CCDC91: variants seen among roughly 807,000 people sequenced by gnomAD.
The protein encoded by CCDC91 is coiled-coil domain containing 91, also known as coiled-coil domain-containing protein 91.
Under a neutral mutation model 63.2 loss-of-function variants are expected in CCDC91, and 48 were observed. The ratio of observed to expected loss-of-function variants is 0.76; its 90% CI spans 0.60 to 0.97. The LOEUF is 0.97. Among genes scored for constraint, CCDC91 ranks in the 50% least tolerant of loss-of-function variants. The pLI, the probability that CCDC91 is intolerant of heterozygous loss-of-function variation, is 0.00. For missense variants in CCDC91, 500 were observed against 494.6 expected (o/e 1.01, Z -0.10); for synonymous variants, 167 against 165.8 (o/e 1.01, Z -0.06).
intron 3 of CCDC91, among the ~76,000 whole-genome samples, chr12:28,270,979 T>G (rs1947729951): frequency 6.6e-6 from 1 of 152,120 alleles, no homozygotes; most frequent in Non-Finnish European, 1.5e-5. Context: ...TACACCGAAA[T>G]TAAATAATTA....
intron 7 of CCDC91, among the ~76,000 whole-genome samples, chr12:28,373,695 G>A (rs1225203486): frequency 6.6e-6 from 1 of 152,006 alleles, no homozygotes; most frequent in East Asian, 1.9e-4. Flanking sequence ...TGCTTTGCCA[G>A]TTTACCTTGT....
chr12:28,511,467 T>C (rs543288325), intron 12 of CCDC91, among the ~76,000 whole-genome samples: 25 of 151,986 alleles, frequency 1.6e-4, no homozygotes, highest in African/African-American at 5.8e-4. Flanking sequence ...CTAGCACTTA[T>C]CAGTAACTGT....
chr12:28,494,605 A>G (rs1202683667), intron 12 of CCDC91, among the ~76,000 whole-genome samples: 2 of 151,748 alleles, frequency 1.3e-5, no homozygotes. Context: ...ATATGTCATC[A>G]ATGTAGTTGT....
intron 3 of CCDC91, among the ~76,000 whole-genome samples, chr12:28,268,082 G>T (rs1358744809): frequency 1.4e-5 from 2 of 145,540 alleles, no homozygotes; most frequent in Admixed American, 1.4e-4. Context: ...ATAACTTTTT[G>T]AGACAGAGTC....
At chr12:28,425,319 G>T (rs1948247629) in intron 8 of CCDC91, among the ~76,000 whole-genome samples, 1 of 152,056 alleles carries the variant, frequency 6.6e-6, no homozygotes, top group Non-Finnish European at 1.5e-5. Context: ...CTCCTTATTG[G>T]AAGAAGGAGG....
chr12:28,305,870 G>T (rs1414686009), intron 4 of CCDC91, 64 bp downstream of exon 4: 2 of 1,368,664 alleles, frequency 1.5e-6, no homozygotes, highest in East Asian at 2.4e-5. Flanking sequence ...TAATTTAATT[G>T]TTGCTTTTTT....
At chr12:28,489,631 C>T (rs1331730177) in intron 12 of CCDC91, among the ~76,000 whole-genome samples, 4 of 151,824 alleles carry the variant, frequency 2.6e-5, no homozygotes, top group African/African-American at 9.7e-5. Flanking sequence ...TAAATCACCT[C>T]CAGGAAAATA....
chr12:28,252,498 T>C (rs1946190159), intron 1 of CCDC91, among the ~76,000 whole-genome samples: 1 of 151,978 alleles, frequency 6.6e-6, no homozygotes, highest in Non-Finnish European at 1.5e-5. Flanking sequence ...AAAATTTCCT[T>C]AATTTTATTT....
chr12:28,235,265 T>C (rs36023812), intron 1 of CCDC91, among the ~76,000 whole-genome samples: 1,599 of 152,296 alleles, frequency 0.01, 13 homozygotes, highest in Non-Finnish European at 0.018. Context: ...CATAGACTGC[T>C]TCTCTGTAGA....
intron 6 of CCDC91, among the ~76,000 whole-genome samples, chr12:28,342,829 G>T (rs1416357593): frequency 6.6e-6 from 1 of 152,170 alleles, no homozygotes; most frequent in Middle Eastern, 3.2e-3. Flanking sequence ...ATTTCTGTTA[G>T]CTTCCATTTT....
chr12:28,206,239 T>C (rs1250086708), intron 1 of CCDC91, among the ~76,000 whole-genome samples: 3 of 152,162 alleles, frequency 2.0e-5, no homozygotes, highest in Admixed American at 6.5e-5. Context: ...TTAAAAAAAT[T>C]CCACCTTTTT....
Position 28,509,452 on chromosome 12 carries a change from ATTAT to A in CCDC91, c.1215+25293_1215+25296del, listed in dbSNP as rs762853516. Among the ~76,000 whole-genome samples, 61 of 152,014 alleles carry A rather than the reference ATTAT, an allele frequency of 4.0e-4. 1 individual carries two copies. The highest frequency in any genetic ancestry group is 2.9e-5 in the Non-Finnish European group (2 of 67,908). Reference sequence around the variant, plus strand: ...CATGTGTCATCATGAAAGACTGAGTATTATTTATTATGTTTAAACAAAAGGGAAA... The same window carrying A: ...CATGTGTCATCATGAAAGACTGAGTATTATTATGTTTAAACAAAAGGGAAA... On this transcript the variant is annotated intron_variant, in intron 12 of 12. Coordinates refer to ENST00000536442, the MANE Select transcript of CCDC91 (RefSeq NM_018318.5).
intron 11 of CCDC91, among the ~76,000 whole-genome samples, chr12:28,464,561 C>G (rs1950462253): frequency 6.6e-6 from 1 of 152,210 alleles, no homozygotes; most frequent in Non-Finnish European, 1.5e-5. Context: ...GGCCCTAGCT[C>G]CTGGGCGACA....
At chr12:28,299,663 C>T (rs1282173936) in intron 3 of CCDC91, among the ~76,000 whole-genome samples, 4 of 151,570 alleles carry the variant, frequency 2.6e-5, no homozygotes, top group Non-Finnish European at 5.9e-5. Flanking sequence ...TCATTCCTGC[C>T]GATCTTCCAC....
Position 28,388,674 on chromosome 12 carries a change from T to C in CCDC91, c.655-2630T>C, listed in dbSNP as rs188768728. 1.8e-4 allele frequency among the ~76,000 whole-genome samples: 27 copies of C among 152,236 alleles called. No individual in the cohort carries two copies. In the East Asian group the frequency reaches 5.2e-3, roughly 29 times the overall value. On this transcript the variant is annotated intron_variant, in intron 7 of 12. Coordinates refer to ENST00000536442, the MANE Select transcript of CCDC91 (RefSeq NM_018318.5). Reference sequence around the variant, plus strand: ...AGAATCAATATTGTGAAAATGACCATACTGCCAACAGCAGCCTACAAATTC... The same window carrying C: ...AGAATCAATATTGTGAAAATGACCACACTGCCAACAGCAGCCTACAAATTC...
intron 8 of CCDC91, among the ~76,000 whole-genome samples, chr12:28,410,578 G>A (rs1592591168): frequency 1.3e-5 from 2 of 152,252 alleles, no homozygotes; most frequent in East Asian, 3.9e-4. Flanking sequence ...CTGGAGTGCA[G>A]TGGCATGATC....
At chr12:28,456,714 G>C (rs1273273224) in intron 11 of CCDC91, among the ~76,000 whole-genome samples, 1 of 152,026 alleles carries the variant, frequency 6.6e-6, no homozygotes, top group Non-Finnish European at 1.5e-5. Context: ...CATTTACTGA[G>C]GTGAGAAAAG....
At chr12:28,432,514 C>G (rs1948684681) in intron 8 of CCDC91, among the ~76,000 whole-genome samples, 1 of 152,054 alleles carries the variant, frequency 6.6e-6, no homozygotes. Context: ...TCCACCATGA[C>G]TGTAAGTTTT....
intron 12 of CCDC91, among the ~76,000 whole-genome samples, chr12:28,499,086 A>G (rs1952473259): frequency 6.6e-6 from 1 of 151,612 alleles, no homozygotes; most frequent in African/African-American, 2.4e-5. Flanking sequence ...TGTTTCTAGC[A>G]TAGGGGAAGC....
Sources: allele counts gnomAD v4.1 joint callset (sites outside exome capture counted in the v4.1 genomes callset), GRCh38; gene constraint gnomAD v4.1.1; transcripts MANE v1.5; gene names NCBI Gene and HGNC (gene_info 2026-07-23, HGNC 2026-07-21).